The following CDH8 variants were observed in gnomAD, a reference collection of about 807,000 sequenced individuals.
The protein encoded by CDH8 is cadherin 8.
CDH8 carries 17 observed loss-of-function variants against 68.1 expected under a neutral mutation model. The ratio of observed to expected loss-of-function variants is 0.25; its 90% CI spans 0.17 to 0.37. CDH8 has a LOEUF of 0.37. Among genes scored for constraint, CDH8 ranks in the 10% least tolerant of loss-of-function variants. CDH8 has a pLI of 1.00. For missense variants in CDH8, 763 were observed against 999.3 expected (o/e 0.76, Z 3.19); for synonymous variants, 372 against 365.1 (o/e 1.02, Z -0.21).
chr16:61,918,461 CCATGCGCGA>C (rs1964287450), intron 2 of CDH8: 1 of 152,830 alleles, frequency 6.5e-6, no homozygotes, highest in Non-Finnish European at 1.5e-5. Context: ...GGTGCGCGCA[CCATGCGCGA>C]GCCGAAGCAG....
At chr16:61,773,887 G>C (rs1960844750) in intron 8 of CDH8, among the ~76,000 whole-genome samples, 1 of 152,032 alleles carries the variant, frequency 6.6e-6, no homozygotes, top group Non-Finnish European at 1.5e-5. Flanking sequence ...TTACAAGTAA[G>C]TGAGTGGAGT....
At chr16:61,903,478 G>A (rs1423291720) in intron 2 of CDH8, among the ~76,000 whole-genome samples, 1 of 151,950 alleles carries the variant, frequency 6.6e-6, no homozygotes, top group South Asian at 2.1e-4. Flanking sequence ...CGCCCGCCAC[G>A]GCGCCCGGCT....
At chr16:61,822,304 C>T (rs1009531422) in intron 5 of CDH8, among the ~76,000 whole-genome samples, 3 of 131,804 alleles carry the variant, frequency 2.3e-5, no homozygotes, top group Admixed American at 8.6e-5. Context: ...TTGGTCCCAT[C>T]TCCGAGTTAA....
At chr16:61,968,373 T>C (rs1211425456) in intron 2 of CDH8, among the ~76,000 whole-genome samples, 2 of 152,186 alleles carry the variant, frequency 1.3e-5, no homozygotes, top group African/African-American at 4.8e-5. Flanking sequence ...CTTAGGTAAT[T>C]ATGCCCATTC....
At chr16:61,671,875 T>C (rs1017619229) in intron 10 of CDH8, among the ~76,000 whole-genome samples, 1 of 151,758 alleles carries the variant, frequency 6.6e-6, no homozygotes, top group Non-Finnish European at 1.5e-5. Context: ...AAACAAATGA[T>C]TGAAAAAAAA....
At chr16:61,982,376 C>T (rs1965549335) in intron 2 of CDH8, among the ~76,000 whole-genome samples, 2 of 152,054 alleles carry the variant, frequency 1.3e-5, no homozygotes, top group African/African-American at 4.8e-5. Context: ...CCCGCCACCT[C>T]GCCCGGCTAA....
chr16:61,674,455 C>CAA (rs34845219), intron 10 of CDH8, among the ~76,000 whole-genome samples: 4 of 119,632 alleles, frequency 3.3e-5, no homozygotes, highest in Admixed American at 1.7e-4. Context: ...CTCCAACTCA[C>CAA]AAAAAAAAAA....
At chr16:61,715,720 G>C (rs1053454254) in intron 9 of CDH8, among the ~76,000 whole-genome samples, 6 of 151,536 alleles carry the variant, frequency 4.0e-5, no homozygotes, top group African/African-American at 1.5e-4. Flanking sequence ...TATTTGCCTT[G>C]ACATTTAAGT....
chr16:61,792,415 T>C (rs1961398368), intron 7 of CDH8, among the ~76,000 whole-genome samples: 1 of 151,976 alleles, frequency 6.6e-6, no homozygotes, highest in South Asian at 2.1e-4. Flanking sequence ...ATTTCACACA[T>C]TTTATTGCCT....
At chr16:61,726,294 C>A (rs1596904045) in intron 9 of CDH8, 1 of 150,910 alleles carries the variant, frequency 6.6e-6, no homozygotes, top group African/African-American at 2.4e-5. Context: ...TAAAATAAAT[C>A]TATTACATTT....
At chr16:61,860,045 G>A (rs1963122096) in intron 3 of CDH8, among the ~76,000 whole-genome samples, 1 of 152,080 alleles carries the variant, frequency 6.6e-6, no homozygotes, top group Admixed American at 6.6e-5. Flanking sequence ...TTTTCACCAT[G>A]TTGGCCAGGG....
chr16:61,977,896 A>G (rs780438635), intron 2 of CDH8, among the ~76,000 whole-genome samples: 1 of 151,862 alleles, frequency 6.6e-6, no homozygotes, highest in Non-Finnish European at 1.5e-5. Context: ...GCCTAGCACT[A>G]CTAAGCATTC....
intron 10 of CDH8, among the ~76,000 whole-genome samples, chr16:61,681,616 C>T (rs992463629): frequency 2.0e-5 from 3 of 151,196 alleles, no homozygotes; most frequent in Non-Finnish European, 4.4e-5. Context: ...GGTTGCACAG[C>T]TTTCTAAATT....
At chr16:61,723,146 A>G (rs1373917685) in intron 9 of CDH8, among the ~76,000 whole-genome samples, 1 of 150,746 alleles carries the variant, frequency 6.6e-6, no homozygotes, top group Non-Finnish European at 1.5e-5. Context: ...AATTCTGTAT[A>G]TGGTAACCAA....
At chr16:61,771,429 C>T (rs541250658) in intron 8 of CDH8, among the ~76,000 whole-genome samples, 16 of 147,548 alleles carry the variant, frequency 1.1e-4, no homozygotes, top group East Asian at 2.0e-4. Context: ...GGATACTATG[C>T]CTCACACACA....
At chr16:61,860,556 G>A (rs1401423608) in intron 3 of CDH8, among the ~76,000 whole-genome samples, 1 of 151,626 alleles carries the variant, frequency 6.6e-6, no homozygotes, top group African/African-American at 2.4e-5. Flanking sequence ...TTTTTGCTTT[G>A]TTTTGTAGTC....
At chr16:62,019,024 C>G in intron 2 of CDH8, among the ~76,000 whole-genome samples, 1 of 152,186 alleles carries the variant, frequency 6.6e-6, no homozygotes, top group East Asian at 1.9e-4. Flanking sequence ...CCAGGCATAG[C>G]ATGTTTTGTT....
chr16:61,974,470 C>G (rs1965401779), intron 2 of CDH8, among the ~76,000 whole-genome samples: 1 of 152,110 alleles, frequency 6.6e-6, no homozygotes, highest in Non-Finnish European at 1.5e-5. Flanking sequence ...CAATGAGTGC[C>G]ATGAAATCCA....
intron 2 of CDH8, among the ~76,000 whole-genome samples, chr16:62,002,286 T>C (rs1052779894): frequency 1.3e-5 from 2 of 152,186 alleles, no homozygotes; most frequent in African/African-American, 4.8e-5. Context: ...GTGACTACTT[T>C]ACCCGAGAAA....
Sources: allele counts gnomAD v4.1 joint callset (sites outside exome capture counted in the v4.1 genomes callset), GRCh38; gene constraint gnomAD v4.1.1; transcripts MANE v1.5; gene names NCBI Gene and HGNC (gene_info 2026-07-23, HGNC 2026-07-21).